Variants in CASR observed in about 807,000 individuals in gnomAD.
CASR encodes the protein extracellular calcium-sensing receptor.
A neutral mutation model predicts 69.1 loss-of-function variants in CASR; 23 were observed. That is an observed-to-expected ratio of 0.33 (90% confidence interval 0.24 to 0.47). The LOEUF is 0.47. CASR is among the 20% of genes least tolerant of loss of function. The probability of loss-of-function intolerance (pLI) is 1.00; values close to 1 mark genes in which losing one functional copy is unlikely to be tolerated. For missense variants in CASR, 924 were observed against 1,356.1 expected, an observed-to-expected ratio of 0.68 and a Z score of 5.00; for synonymous variants, 541 against 544.7, an observed-to-expected ratio of 0.99 and a Z score of 0.10.
intron 4 of CASR, among the ~76,000 whole-genome samples, chr3:122,270,322 T>C (rs2107639225): frequency 6.6e-6 from 1 of 152,356 alleles, no homozygotes; most frequent in Non-Finnish European, 1.5e-5. Flanking sequence ...ACTATAATTA[T>C]AATGTCTGCA....
chr3:122,283,396 C>T (rs961502101), intron 6 of CASR, among the ~76,000 whole-genome samples: 14 of 152,328 alleles, frequency 9.2e-5, no homozygotes, highest in Non-Finnish European at 2.9e-5. Context: ...TGATCATTCC[C>T]TGCCATCAGA....
intron 1 of CASR, among the ~76,000 whole-genome samples, chr3:122,237,112 CTTTT>C (rs59408184): frequency 2.1e-5 from 2 of 96,232 alleles, no homozygotes; most frequent in African/African-American, 3.8e-5. Context: ...AGTACTTATG[CTTTT>C]TTTTTTTTTT....
In CASR at chr3:122,197,031, A is replaced by G. The variant is rs1003719245; in HGVS notation, c.-243+13219A>G. On this transcript the variant is annotated intron_variant, in intron 1 of 6. Transcript: ENST00000639785. The stretch of plus-strand genomic sequence containing the variant: ...GTACAATACAGTATTATTAACTACA[A>G]CCAAGATGCTGTACATTAGAGCACC... Among the ~76,000 whole-genome samples the G allele has an allele frequency of 9.2e-5, 14 of 152,300 alleles. No homozygotes were observed. The East Asian group carries it at 1.9e-3, about 21-fold the overall frequency.
intron 1 of CASR, among the ~76,000 whole-genome samples, chr3:122,236,547 T>TA (rs1027385842): frequency 1.2e-4 from 18 of 152,038 alleles, no homozygotes; most frequent in Non-Finnish European, 8.8e-5. Context: ...ATTTGGGGAT[T>TA]AAAAAAACAG....
Position 122,254,105 on chromosome 3 carries a change from G to T in CASR, c.-85G>T. 5.1e-6 allele frequency: 6 copies of T among 1,184,504 alleles called. No homozygotes were observed. The highest frequency in any genetic ancestry group is 5.1e-6 in the Non-Finnish European group (4 of 791,484). The allele number at this position is 1,184,504 out of a possible 1,614,324, so 73.4% of individuals were successfully genotyped here. ...TGTAGACATGTGTCCCCACTGCAGG[G>T]AGTGAACTGCTCCAAGGGAGAAACT... On this transcript the variant is annotated 5_prime_UTR_variant, in exon 2 of 7. It introduces an in-frame stop codon into an upstream open reading frame of the 5' UTR. Coordinates refer to ENST00000639785, the MANE Select transcript of CASR (RefSeq NM_000388.4).
chr3:122,280,549 C>T (rs1435401206), intron 5 of CASR, among the ~76,000 whole-genome samples: 3 of 152,148 alleles, frequency 2.0e-5, no homozygotes. Context: ...ACCTTGTCAC[C>T]ATAGTTGAAG....
chr3:122,235,799 A>T (rs1363607330), intron 1 of CASR, among the ~76,000 whole-genome samples: 7 of 152,244 alleles, frequency 4.6e-5, no homozygotes, highest in African/African-American at 1.7e-4. Flanking sequence ...TGTCTCTAAA[A>T]ATGATAATAC....
intron 1 of CASR, among the ~76,000 whole-genome samples, chr3:122,252,358 A>AAGGAAG (rs2074494478): frequency 3.7e-5 from 2 of 53,392 alleles, no homozygotes; most frequent in African/African-American, 1.6e-4. Context: ...AAAGAAAGAA[A>AAGGAAG]GAAAGAAGGA....
At chr3:122,243,889 G>C (rs2074402472) in intron 1 of CASR, among the ~76,000 whole-genome samples, 1 of 152,012 alleles carries the variant, frequency 6.6e-6, no homozygotes. Context: ...AACATGAATG[G>C]AACTGGAGAT....
intron 1 of CASR, among the ~76,000 whole-genome samples, chr3:122,222,444 A>G (rs2074181064): frequency 6.6e-6 from 1 of 152,230 alleles, no homozygotes; most frequent in African/African-American, 2.4e-5. Context: ...TATATCACAT[A>G]CAACAGACTT....
chr3:122,282,094 T>C lies in CASR; in HGVS notation c.1609-19T>C. The stretch of plus-strand genomic sequence containing the variant: ...CCCTACAACTACAGCCACTCACCTT[T>C]GTGCTGTCTGTCCTCCAGGTGCCCT... On this transcript the variant is annotated intron_variant, in intron 5 of 6. Coordinates refer to ENST00000639785, the MANE Select transcript of CASR (RefSeq NM_000388.4). The C allele has an allele frequency of 6.2e-7, 1 of 1,614,212 alleles. No homozygotes were observed. Among genetic ancestry groups the C allele is most frequent in the Non-Finnish European group, 8.5e-7 (1 of 1,180,016 alleles).
At position 122,225,648 on chromosome 3, in the gene CASR, C is replaced by T. The variant is rs545452023; in HGVS notation, c.-242-28300C>T. Among the ~76,000 whole-genome samples, 9 of 151,648 alleles carry T rather than the reference C, an allele frequency of 5.9e-5. No individual in the cohort carries two copies. The South Asian group carries it at 1.7e-3, about 28-fold the overall frequency. On this transcript the variant is annotated intron_variant, in intron 1 of 6. Transcript: ENST00000639785. ...TGAGAATGTAAATTAATTTAGCCAC[C>T]GTGGAAAGTGGTGTGGAGTTTCCTC...
intron 1 of CASR, among the ~76,000 whole-genome samples, chr3:122,222,354 A>G (rs141144760): frequency 5.8e-4 from 89 of 152,300 alleles, no homozygotes; most frequent in African/African-American, 2.0e-3. Flanking sequence ...AAGATTCAAG[A>G]AGAGGGAGGA....
chr3:122,280,320 A>G (rs1402001536), intron 5 of CASR, among the ~76,000 whole-genome samples: 4 of 152,092 alleles, frequency 2.6e-5, no homozygotes, highest in African/African-American at 9.7e-5. Context: ...CGCTCTCACC[A>G]CTCTTATTCA....
Position 122,286,581 on chromosome 3 carries a change from C to T in CASR, c.*1390C>T, listed in dbSNP as rs542715135. Reference sequence around the variant, plus strand: ...TAACCATTCAGATTGTACTGCCTAGCCCACTGATCACAATCACTCTCTCTG... The same window carrying T: ...TAACCATTCAGATTGTACTGCCTAGTCCACTGATCACAATCACTCTCTCTG... On this transcript the variant is annotated 3_prime_UTR_variant, in exon 7 of 7. Coordinates refer to ENST00000639785, the MANE Select transcript of CASR (RefSeq NM_000388.4). 2 of 152,182 alleles carry T rather than the reference C, an allele frequency of 1.3e-5. No individual in the cohort carries two copies. Among genetic ancestry groups the T allele is most frequent in the African/African-American group, 4.8e-5 (2 of 41,448 alleles). 9.4% of individuals were successfully genotyped at this position (152,182 alleles called of 1,614,324 possible). A position where few individuals can be genotyped will look rare whatever the true frequency, so the allele number is the denominator to read the frequency against.
chr3:122,202,298 A>G (rs2073964082), intron 1 of CASR, among the ~76,000 whole-genome samples: 1 of 152,232 alleles, frequency 6.6e-6, no homozygotes, highest in African/African-American at 2.4e-5. Context: ...CGCGCCTGCA[A>G]TGGCAGGCAC....
At chr3:122,283,622 A>T in intron 6 of CASR, 65 bp from the exon 7 acceptor site, 1 of 1,301,650 alleles carries the variant, frequency 7.7e-7, no homozygotes, top group Non-Finnish European at 1.1e-6. Flanking sequence ...CCACCACCAC[A>T]TGTACACTCA....
At chr3:122,199,926 A>G (rs1204012017) in intron 1 of CASR, among the ~76,000 whole-genome samples, 1 of 151,756 alleles carries the variant, frequency 6.6e-6, no homozygotes, top group South Asian at 2.1e-4. Context: ...TTTGTTTTTG[A>G]GATGCAGTTT....
intron 1 of CASR, chr3:122,246,841 G>A (rs1360079828): frequency 6.6e-6 from 1 of 152,178 alleles, no homozygotes; most frequent in African/African-American, 2.4e-5. Context: ...AGTGGATGGG[G>A]AAAGGCTCAG....
Sources: allele counts gnomAD v4.1 joint callset (sites outside exome capture counted in the v4.1 genomes callset), GRCh38; gene constraint gnomAD v4.1.1; transcripts MANE v1.5; gene names NCBI Gene and HGNC (gene_info 2026-07-23, HGNC 2026-07-21).